Variants in GAS7 observed in about 807,000 individuals in gnomAD.
The protein encoded by GAS7 is growth arrest-specific protein 7.
GAS7 carries 28 observed loss-of-function variants against 71.1 expected under a neutral mutation model. The ratio of observed to expected loss-of-function variants is 0.39; its 90% CI spans 0.29 to 0.54. The LOEUF (loss-of-function observed/expected upper bound fraction) is 0.54, where lower values mean the gene tolerates loss of function less well. Among genes scored for constraint, GAS7 ranks in the 20% least tolerant of loss-of-function variants. The probability of loss-of-function intolerance (pLI) is 0.62; values close to 1 mark genes in which losing one functional copy is unlikely to be tolerated. For missense variants in GAS7, 436 were observed against 627.8 expected, an observed-to-expected ratio of 0.69 and a Z score of 3.27; for synonymous variants, 258 against 245.8, an observed-to-expected ratio of 1.05 and a Z score of -0.46.
intron 1 of GAS7, among the ~76,000 whole-genome samples, chr17:10,130,350 G>T (rs1375593387): frequency 7.0e-6 from 1 of 143,234 alleles, no homozygotes; most frequent in Non-Finnish European, 1.5e-5. Context: ...AAAAAAAAAC[G>T]TAGATAATTA....
chr17:9,966,195 TCA>T (rs2069707703), intron 4 of GAS7, among the ~76,000 whole-genome samples: 1 of 151,882 alleles, frequency 6.6e-6, no homozygotes, highest in Non-Finnish European at 1.5e-5. Flanking sequence ...AGACAGGGTC[TCA>T]CAGTGTTAGC....
chr17:10,019,988 C>A, intron 1 of GAS7, 91 bp from the exon 2 acceptor site: 3 of 1,252,506 alleles, frequency 2.4e-6, no homozygotes, highest in Non-Finnish European at 3.4e-6. Flanking sequence ...ATTCACCCTA[C>A]AGTAGCGTGA....
intron 8 of GAS7, among the ~76,000 whole-genome samples, chr17:9,934,554 C>T (rs138032140): frequency 1.3e-5 from 2 of 152,004 alleles, no homozygotes; most frequent in East Asian, 1.9e-4. Flanking sequence ...AGGAAGGTGC[C>T]GGAAGCAGGT....
chr17:9,950,325 T>C (rs1240320907), intron 5 of GAS7, among the ~76,000 whole-genome samples: 1 of 151,940 alleles, frequency 6.6e-6, no homozygotes, highest in Non-Finnish European at 1.5e-5. Context: ...CTGGGCAACA[T>C]AGCACAACCT....
chr17:10,154,208 C>T (rs965618543), intron 1 of GAS7, among the ~76,000 whole-genome samples: 2 of 151,720 alleles, frequency 1.3e-5, no homozygotes, highest in African/African-American at 2.4e-5. Context: ...TAAAAATTCA[C>T]ACAGGCCAAA....
In GAS7 at chr17:9,981,162, C is replaced by T. The variant is rs973678286; in HGVS notation, c.385+642G>A. 1.3e-5 allele frequency among the ~76,000 whole-genome samples: 2 copies of T among 151,992 alleles called. No homozygotes were observed. Among genetic ancestry groups the T allele is most frequent in the African/African-American group, 4.8e-5 (2 of 41,390 alleles). On this transcript the variant is annotated intron_variant, in intron 3 of 13. Coordinates refer to ENST00000432992, the MANE Select transcript of GAS7 (RefSeq NM_201433.2). This position sits in a 1 kb window ranked among gnomAD's most constrained non-coding sequence, Gnocchi z 4.4. Reference sequence around the variant, plus strand: ...CACAAATTAGCCGGGTGTGGTGGTGCGCACCTGCAATCGCAGCTACTCGGG... The same window carrying T: ...CACAAATTAGCCGGGTGTGGTGGTGTGCACCTGCAATCGCAGCTACTCGGG...
chr17:10,027,598 C>A (rs1055135434), intron 1 of GAS7, among the ~76,000 whole-genome samples: 1 of 152,248 alleles, frequency 6.6e-6, no homozygotes, highest in African/African-American at 2.4e-5. Context: ...TGCCTTCCAC[C>A]ATGTGAGGAC....
At chr17:10,128,769 A>G (rs897051421) in intron 1 of GAS7, among the ~76,000 whole-genome samples, 9 of 150,660 alleles carry the variant, frequency 6.0e-5, no homozygotes, top group Non-Finnish European at 8.9e-5. Flanking sequence ...ACAGGCGCCC[A>G]CCACCGCGCC....
At chr17:10,190,505 A>G (rs4598949) in intron 1 of GAS7, among the ~76,000 whole-genome samples, 64,661 of 150,926 alleles carry the variant, frequency 0.43, 14,428 homozygotes, top group African/African-American at 0.54. Flanking sequence ...GCTTGAACCC[A>G]GGAGGTGGAG....
At chr17:10,164,706 A>G (rs1298492988) in intron 1 of GAS7, among the ~76,000 whole-genome samples, 1 of 151,846 alleles carries the variant, frequency 6.6e-6, no homozygotes, top group Non-Finnish European at 1.5e-5. Context: ...AAGAAAAGAA[A>G]AAGAAGCCAG....
At chr17:9,995,642 T>A (rs969390205) in intron 2 of GAS7, among the ~76,000 whole-genome samples, 1 of 152,144 alleles carries the variant, frequency 6.6e-6, no homozygotes, top group African/African-American at 2.4e-5. Flanking sequence ...ATAACCTCCT[T>A]TGTGACTGAT....
rs376944776 is a variant in GAS7, at chr17:10,135,205, TGG to T, written c.183+63001_183+63002del. Among the ~76,000 whole-genome samples, 61 of 152,326 alleles carry T rather than the reference TGG, an allele frequency of 4.0e-4. No individual in the cohort carries two copies. In the East Asian group the frequency reaches 8.1e-3, roughly 20 times the overall value. On this transcript the variant is annotated intron_variant, in intron 1 of 13. Transcript: ENST00000432992. ...ATTTCTAGGAAAAAGGTGGTAATTCTGGGGTCCTCAGTCAGTGCCATGGAAAG... is the reference window on the plus strand; with the variant it reads ...ATTTCTAGGAAAAAGGTGGTAATTCTGGTCCTCAGTCAGTGCCATGGAAAG...
rs183368026 is a variant in GAS7 at position 10,160,425 on chromosome 17, G to A, written c.183+37783C>T. 7.2e-5 allele frequency among the ~76,000 whole-genome samples: 11 copies of A among 152,212 alleles called. No individual in the cohort carries two copies. The East Asian group carries it at 9.7e-4, about 13-fold the overall frequency. On this transcript the variant is annotated intron_variant, in intron 1 of 13. Coordinates refer to ENST00000432992, the MANE Select transcript of GAS7 (RefSeq NM_201433.2). ...ACCATATAGAGCTAAAAGCGACTTC[G>A]AAGATCACCTAGTTTAATTCCTCTG...
rs546619221 is a variant in GAS7, at chr17:9,959,305, A to AT, written c.472-51dup. The AT allele has an allele frequency of 5.0e-6, 8 of 1,613,074 alleles. No homozygotes were observed. Among genetic ancestry groups the AT allele is most frequent in the East Asian group, 2.2e-5 (1 of 44,830 alleles). ...GTCAAAGCTGTTCTCCATATTGGAC[A>AT]TTTTTTCCCCCCATTCAGGTTCCCT... On this transcript the variant is annotated intron_variant, in intron 4 of 13. Transcript: ENST00000432992. This position sits in a 1 kb window ranked among gnomAD's most constrained non-coding sequence, Gnocchi z 5.0.
In GAS7 at chr17:10,186,379, G is replaced by A. The variant is rs537670697; in HGVS notation, c.183+11829C>T. Among the ~76,000 whole-genome samples the A allele has an allele frequency of 2.0e-5, 3 of 149,302 alleles. No homozygotes were observed. The South Asian group carries it at 6.3e-4, about 32-fold the overall frequency. On this transcript the variant is annotated intron_variant, in intron 1 of 13. Coordinates refer to ENST00000432992, the MANE Select transcript of GAS7 (RefSeq NM_201433.2). ...AGGCTCTGATGTCCCTACACCAGAA[G>A]CCAGGCCCCACGTATTCAAAGGCTT... is the stretch of plus-strand genomic sequence containing the variant.
intron 1 of GAS7, among the ~76,000 whole-genome samples, chr17:10,109,128 AAAAAATAAAAATAAAT>A (rs1287055512): frequency 6.6e-6 from 1 of 152,144 alleles, no homozygotes; most frequent in Non-Finnish European, 1.5e-5. Context: ...AAAAAATTTA[AAAAAATAAAAATAAAT>A]AAAAATAAAA....
chr17:9,950,921 C>T (rs1012827802), intron 5 of GAS7, among the ~76,000 whole-genome samples: 2 of 151,554 alleles, frequency 1.3e-5, no homozygotes, highest in African/African-American at 4.8e-5. Context: ...ATTAAAAAAA[C>T]AAAGGCTAGA....
chr17:9,926,963 C>T lies in GAS7; in HGVS notation c.886-194G>A, dbSNP rs73260963. On this transcript the variant is annotated intron_variant, in intron 9 of 13. Coordinates refer to ENST00000432992, the MANE Select transcript of GAS7 (RefSeq NM_201433.2). This position sits in a 1 kb window ranked among gnomAD's most constrained non-coding sequence, Gnocchi z 5.0. ...TCAGGTCTCAGCTTAGGCAGGTCAC[C>T]TTAGCTCAGGAGGCCCCCACACACG... is the stretch of plus-strand genomic sequence containing the variant. 13,097 of 597,068 alleles carry T rather than the reference C, an allele frequency of 0.022. 830 individuals are homozygous for T. Among genetic ancestry groups the T allele is most frequent in the African/African-American group, 0.17 (8,986 of 53,990 alleles). 37.0% of individuals were successfully genotyped at this position (597,068 alleles called of 1,614,324 possible). A position where few individuals can be genotyped will look rare whatever the true frequency, so the allele number is the denominator to read the frequency against.
At chr17:10,032,498 A>G (rs1013069853) in intron 1 of GAS7, among the ~76,000 whole-genome samples, 2 of 152,342 alleles carry the variant, frequency 1.3e-5, no homozygotes, top group South Asian at 4.1e-4. Context: ...GCAAGCTGTG[A>G]TGTGTGCAAT....
Sources: allele counts gnomAD v4.1 joint callset (sites outside exome capture counted in the v4.1 genomes callset), GRCh38; gene constraint gnomAD v4.1.1; non-coding constraint Gnocchi (gnomAD v3.1); transcripts MANE v1.5; gene names NCBI Gene and HGNC (gene_info 2026-07-23, HGNC 2026-07-21).